The following PNISR variants were observed in gnomAD, a reference collection of about 807,000 sequenced individuals.
PNISR encodes PNN interacting serine and arginine rich protein.
PNISR carries 20 observed loss-of-function variants against 93.4 expected under a neutral mutation model. The observed-to-expected ratio is 0.21, with a 90% CI of 0.15 to 0.31. PNISR has a LOEUF of 0.31. Ranked by LOEUF, PNISR falls within the 10% of genes least tolerant of loss-of-function variation. The pLI, the probability that PNISR is intolerant of heterozygous loss-of-function variation, is 1.00. For missense variants in PNISR, 893 were observed against 985.4 expected (o/e 0.91, Z 1.25); for synonymous variants, 305 against 306.5 (o/e 0.99, Z 0.05).
At position 99,400,947 on chromosome 6, in the gene PNISR, G is replaced by C. The variant is rs746691125; in HGVS notation, c.2011C>G (p.Arg671Gly). ...TTTTTCCTATCTTTATCTATACTTC[G>C]ACTCCTCTCCTTTTTCCTCTCTTGT... is the stretch of plus-strand genomic sequence containing the variant. ...KEQERKKERS[R>G]SIDKDRKKKD... Residue 671 changes from arginine (R) to glycine (G), a missense_variant, in exon 12 of 12, where the codon CGA becomes GGA. Around this residue, in one of 3 missense-constraint regions of PNISR, gnomAD observed 866 missense variants for 935.1 expected, o/e 0.93. Transcript: ENST00000369239. 5 of 1,575,718 alleles carry C rather than the reference G, an allele frequency of 3.2e-6. No homozygotes were observed. The highest frequency in any genetic ancestry group is 4.4e-6 in the Non-Finnish European group (5 of 1,147,698).
intron 3 of PNISR, among the ~76,000 whole-genome samples, chr6:99,413,363 T>C (rs1338421002): frequency 6.6e-6 from 1 of 151,884 alleles, no homozygotes; most frequent in African/African-American, 2.4e-5. Context: ...CAAGATACAT[T>C]TTTTTAATTT....
chr6:99,422,154 C>A (rs888451765), intron 1 of PNISR, among the ~76,000 whole-genome samples: 2 of 152,194 alleles, frequency 1.3e-5, no homozygotes, highest in Non-Finnish European at 1.5e-5. Flanking sequence ...GCATGAGCCA[C>A]CCCGTGTGGC....
intron 8 of PNISR, 41 bp from the exon 9 acceptor site, chr6:99,404,743 G>A (rs546075777): frequency 2.1e-6 from 2 of 958,072 alleles, no homozygotes; most frequent in Non-Finnish European, 3.3e-6. Context: ...AATTATTATA[G>A]CTACTAATAG....
chr6:99,416,436 G>T lies in PNISR; in HGVS notation c.-111-8C>A. On this transcript the variant is annotated splice_region_variant and splice_polypyrimidine_tract_variant and intron_variant, in intron 1 of 11. Transcript: ENST00000369239. ...AGCAAGATTATGTATGCCCTAGGGG[G>T]AAAAAAAGTAGATGTCTGCTTATAG... 1 of 1,087,066 alleles carries T rather than the reference G, an allele frequency of 9.2e-7. No individual in the cohort carries two copies. Among genetic ancestry groups the T allele is most frequent in the Non-Finnish European group, 1.2e-6 (1 of 856,320 alleles). The allele number at this position is 1,087,066 out of a possible 1,614,324, so 67.3% of individuals were successfully genotyped here. A position where few individuals can be genotyped will look rare whatever the true frequency, so the allele number is the denominator to read the frequency against.
rs766729781 is a variant in PNISR at position 99,402,599 on chromosome 6, T to A, written c.1268A>T (p.Gln423Leu). 6.2e-7 allele frequency: 1 copy of A among 1,613,728 alleles called. No homozygotes were observed. The highest frequency in any genetic ancestry group is 8.5e-7 in the Non-Finnish European group (1 of 1,179,726). Reference sequence around the variant, plus strand: ...TTTTTCTTTTCTCCAAAAAGCTTCCTGTTTTTGCCGGATTCGATGCCGTAA... The same window carrying A: ...TTTTTCTTTTCTCCAAAAAGCTTCCAGTTTTTGCCGGATTCGATGCCGTAA... ...EELRHRIRQK[Q>L]EAFWRKEKEQ... Residue 423 changes from glutamine to leucine, a missense_variant, in exon 11 of 12, where the codon CAG (glutamine) becomes CTG (leucine). By Grantham distance (113) the Gln-to-Leu change is moderately radical. Coordinates refer to ENST00000369239, the MANE Select transcript of PNISR (RefSeq NM_032870.4).
intron 10 of PNISR, chr6:99,403,087 T>TTAGGG (rs1775728412): frequency 6.5e-6 from 1 of 154,776 alleles, no homozygotes; most frequent in Non-Finnish European, 1.4e-5. Context: ...AGTTTAGAAA[T>TTAGGG]CCCTAGAGCT....
chr6:99,424,821 T>A (rs982818223), intron 1 of PNISR: 1 of 167,394 alleles, frequency 6.0e-6, no homozygotes, highest in Non-Finnish European at 1.3e-5. Context: ...GCCTGCGTAG[T>A]CAGAGCCTCA....
rs751026532 is a variant in PNISR at position 99,401,533 on chromosome 6, G to A, written c.1425C>T (p.Asp475=). The change falls in exon 12 of 12, where the codon GAC becomes GAT. Residue 475 remains aspartate, a synonymous_variant. Coordinates refer to ENST00000369239, the MANE Select transcript of PNISR (RefSeq NM_032870.4). ...SLSLLEAREA[D]GDVVNEKKRT... Reference sequence around the variant, plus strand: ...TCTTCTTTTCATTAACCACATCACCGTCTGCTTCTCTTGCTTCTAGTAGTG... The same window carrying A: ...TCTTCTTTTCATTAACCACATCACCATCTGCTTCTCTTGCTTCTAGTAGTG... The A allele has an allele frequency of 9.3e-6, 15 of 1,611,866 alleles. No individual in the cohort carries two copies. In the South Asian group the frequency reaches 9.9e-5, roughly 11 times the overall value.
intron 5 of PNISR, chr6:99,409,572 A>C: frequency 5.0e-6 from 2 of 400,154 alleles, no homozygotes; most frequent in Admixed American, 4.1e-5. Context: ...CCAGCTGATA[A>C]GCTACTTTCA....
At chr6:99,412,879 T>G (rs543892866) in intron 3 of PNISR, 140 bp from the exon 4 acceptor site, 2 of 482,700 alleles carry the variant, frequency 4.1e-6, no homozygotes, top group African/African-American at 2.0e-5. Flanking sequence ...ATTAGAAAAA[T>G]TTTTTTTGAA....
intron 1 of PNISR, among the ~76,000 whole-genome samples, chr6:99,420,164 G>C (rs1349776594): frequency 6.6e-6 from 1 of 152,158 alleles, no homozygotes; most frequent in African/African-American, 2.4e-5. Context: ...TTACAGACGT[G>C]AGCTATCGCT....
chr6:99,402,154 C>A (rs1775587433), intron 11 of PNISR, among the ~76,000 whole-genome samples: 1 of 152,148 alleles, frequency 6.6e-6, no homozygotes. Flanking sequence ...AGAAGAAATT[C>A]TAAGTAAATT....
At chr6:99,410,608 AAC>A in intron 5 of PNISR, 131 bp downstream of exon 5, 1 of 584,150 alleles carries the variant, frequency 1.7e-6, no homozygotes, top group Non-Finnish European at 3.0e-6. Flanking sequence ...AAAAATTGAT[AAC>A]TGAGACAGAA....
chr6:99,418,614 C>A (rs1007966247), intron 1 of PNISR, among the ~76,000 whole-genome samples: 1 of 151,960 alleles, frequency 6.6e-6, no homozygotes, highest in African/African-American at 2.4e-5. Context: ...ATGGAAGCTA[C>A]TATTCAAGTA....
At position 99,425,215 on chromosome 6, in the gene PNISR, C is replaced by G. The variant is rs562566596; in HGVS notation, c.-112G>C. On this transcript the variant is annotated splice_region_variant and 5_prime_UTR_variant, in exon 1 of 12. Coordinates refer to ENST00000369239, the MANE Select transcript of PNISR (RefSeq NM_032870.4). ...CGTATAATTGTTCTCCATCACTTACCCACTCTAGTTCGGGAACACCCTTGT... is the reference window on the plus strand; with the variant it reads ...CGTATAATTGTTCTCCATCACTTACGCACTCTAGTTCGGGAACACCCTTGT... 10 of 1,231,682 alleles carry G rather than the reference C, an allele frequency of 8.1e-6. No individual in the cohort carries two copies. The African/African-American group carries it at 1.4e-4, about 17-fold the overall frequency. The allele number at this position is 1,231,682 out of a possible 1,614,324, so 76.3% of individuals were successfully genotyped here.
Position 99,406,232 on chromosome 6 carries a change from T to C in PNISR, c.865-64A>G, listed in dbSNP as rs1006953463. 1.7e-5 allele frequency: 18 copies of C among 1,075,138 alleles called. No individual in the cohort carries two copies. The African/African-American group carries it at 1.9e-4, about 12-fold the overall frequency. The allele number at this position is 1,075,138 out of a possible 1,614,324, so 66.6% of individuals were successfully genotyped here. ...TATAATGTAAAATCCTTATCTTACA[T>C]ACAGAAAATCTTAAACCCCAAATTA... On this transcript the variant is annotated intron_variant, in intron 7 of 11. Coordinates refer to ENST00000369239, the MANE Select transcript of PNISR (RefSeq NM_032870.4).
chr6:99,398,547 G>C lies in PNISR; in HGVS notation c.*1993C>G, dbSNP rs973040701. The C allele has an allele frequency of 1.3e-5, 2 of 152,122 alleles. No homozygotes were observed. Among genetic ancestry groups the C allele is most frequent in the African/African-American group, 4.8e-5 (2 of 41,548 alleles). 9.4% of individuals were successfully genotyped at this position (152,122 alleles called of 1,614,324 possible). A position where few individuals can be genotyped will look rare whatever the true frequency, so the allele number is the denominator to read the frequency against. On this transcript the variant is annotated 3_prime_UTR_variant, in exon 12 of 12. Coordinates refer to ENST00000369239, the MANE Select transcript of PNISR (RefSeq NM_032870.4). Reference sequence around the variant, plus strand: ...CATGACGGCTTTTAAAAAAACTACAGACTTAACTGATAAGCTTGCAAATTA... The same window carrying C: ...CATGACGGCTTTTAAAAAAACTACACACTTAACTGATAAGCTTGCAAATTA...
At chr6:99,409,988 T>C (rs1776697773) in intron 5 of PNISR, 1 of 152,254 alleles carries the variant, frequency 6.6e-6, no homozygotes, top group African/African-American at 2.4e-5. Flanking sequence ...ATCTGAATAT[T>C]TATTAATGAG....
At chr6:99,420,022 C>T (rs1228937896) in intron 1 of PNISR, among the ~76,000 whole-genome samples, 1 of 152,006 alleles carries the variant, frequency 6.6e-6, no homozygotes, top group Non-Finnish European at 1.5e-5. Flanking sequence ...GTAGCTGGGA[C>T]TACAGGCGCC....
Sources: allele counts gnomAD v4.1 joint callset (sites outside exome capture counted in the v4.1 genomes callset), GRCh38; gene constraint gnomAD v4.1.1; regional missense constraint gnomAD v4.1.1; transcripts MANE v1.5; gene names NCBI Gene and HGNC (gene_info 2026-07-23, HGNC 2026-07-21).